IQSEC3: variants seen among roughly 807,000 people sequenced by gnomAD.
IQSEC3 encodes the protein IQ motif and SEC7 domain-containing protein 3.
In IQSEC3, 50 loss-of-function variants were observed where a neutral mutation model predicts 105.4. The observed-to-expected ratio is 0.47, with a 90% CI of 0.38 to 0.60. The LOEUF (loss-of-function observed/expected upper bound fraction) is 0.60. Among genes scored for constraint, IQSEC3 ranks in the 20% least tolerant of loss-of-function variants. IQSEC3 has a pLI of 0.00. For synonymous variants in IQSEC3, 708 were observed against 746.0 expected, an observed-to-expected ratio of 0.95 and a Z score of 0.83; for missense variants, 1,415 against 1,630.0, an observed-to-expected ratio of 0.87 and a Z score of 2.27.
rs560084629 is a variant in IQSEC3 at position 154,645 on chromosome 12, T to A, written c.2154-2380T>A. On this transcript the variant is annotated intron_variant, in intron 5 of 13. Transcript: ENST00000538872. ...GGCTGAGAGGGTGGCATCTGGCCGC[T>A]CCATGCCGCCCCCACCACAGTCCGC... Among the ~76,000 whole-genome samples, 5 of 152,190 alleles carry A rather than the reference T, an allele frequency of 3.3e-5. No homozygotes were observed. In the South Asian group the frequency reaches 1.0e-3, roughly 32 times the overall value.
chr12:153,362 G>A (rs762373764), intron 5 of IQSEC3, among the ~76,000 whole-genome samples: 2 of 152,092 alleles, frequency 1.3e-5, no homozygotes, highest in Admixed American at 6.5e-5. Flanking sequence ...GTGCTGCTGC[G>A]GGTCGTCTGC....
At position 70,767 on chromosome 12, in the gene IQSEC3, A is replaced by G. The variant is rs1555067308; in HGVS notation, c.554+3331A>G. Among the ~76,000 whole-genome samples, 3 of 152,402 alleles carry G rather than the reference A, an allele frequency of 2.0e-5. No homozygotes were observed. The East Asian group carries it at 5.8e-4, about 29-fold the overall frequency. On this transcript the variant is annotated intron_variant, in intron 1 of 13. Coordinates refer to ENST00000538872, the MANE Select transcript of IQSEC3 (RefSeq NM_001170738.2). ...ATGACAGGGCTTGTCCATGTCTCCA[A>G]GGCCACAGGCAGATGATTGCTGGAG...
Position 168,937 on chromosome 12 carries a change from G to GT in IQSEC3, c.2972-76_2972-75insT, listed in dbSNP as rs1486762689. On this transcript the variant is annotated intron_variant, in intron 11 of 13. Transcript: ENST00000538872. ...CCTCCTCTTCCTCCCCTTTCTGCTG[G>GT]CCCCTCATTTCCTGCCTCGCCTCTG... The GT allele has an allele frequency of 3.7e-5, 45 of 1,212,320 alleles. No individual in the cohort carries two copies. The African/African-American group carries it at 6.0e-4, about 16-fold the overall frequency. 75.1% of individuals were successfully genotyped at this position (1,212,320 alleles called of 1,614,324 possible). A position where few individuals can be genotyped will look rare whatever the true frequency, so the allele number is the denominator to read the frequency against.
chr12:76,356 G>T (rs1483338157), intron 1 of IQSEC3, among the ~76,000 whole-genome samples: 1 of 152,260 alleles, frequency 6.6e-6, no homozygotes, highest in South Asian at 2.1e-4. Context: ...TGGTGCGCAG[G>T]CGTTTGTGGA....
intron 1 of IQSEC3, among the ~76,000 whole-genome samples, chr12:82,125 A>G (rs564970205): frequency 6.6e-6 from 1 of 152,338 alleles, no homozygotes; most frequent in African/African-American, 2.4e-5. Context: ...GGAACTAGAC[A>G]TTTTTAAGAC....
rs1865880907 is a variant in IQSEC3, at chr12:138,737, CG to C, written c.1375del (p.Ala459ArgfsTer24). On this transcript the variant is annotated frameshift_variant, in exon 4 of 14. Coordinates refer to ENST00000538872, the MANE Select transcript of IQSEC3 (RefSeq NM_001170738.2). LOFTEE classifies it high-confidence loss of function. This position sits in a 1 kb window ranked among gnomAD's most constrained non-coding sequence, Gnocchi z 7.1. Reference sequence around the variant, plus strand: ...AGGCCGAGGGGCGGGCGCCGGAGAGCGCGGGCCCCGGGCCCGGGGATGACGC... The same window carrying C: ...AGGCCGAGGGGCGGGCGCCGGAGAGCCGGGCCCCGGGCCCGGGGATGACGC... ...LEAEGRAPES[A>X]GPGPGDDAAE... The C allele has an allele frequency of 6.6e-7, 1 of 1,510,976 alleles. No individual in the cohort carries two copies. The allele number at this position is 1,510,976 out of a possible 1,614,324, so 93.6% of individuals were successfully genotyped here.
At chr12:88,988 A>G (rs1388417461) in intron 1 of IQSEC3, among the ~76,000 whole-genome samples, 2 of 152,162 alleles carry the variant, frequency 1.3e-5, no homozygotes, top group African/African-American at 4.8e-5. Context: ...TTGAATATGA[A>G]TCCCCCACAG....
At position 138,737 on chromosome 12, in the gene IQSEC3, C is replaced by T; in HGVS notation, c.1374C>T (p.Ser458=). ...AGGCCGAGGGGCGGGCGCCGGAGAG[C>T]GCGGGCCCCGGGCCCGGGGATGACG... ...GLEAEGRAPE[S]AGPGPGDDAA... Residue 458 remains serine (S), a synonymous_variant, in exon 4 of 14, where the codon AGC becomes AGT. Transcript: ENST00000538872. This position sits in a 1 kb window ranked among gnomAD's most constrained non-coding sequence, Gnocchi z 7.1. 2 of 1,511,084 alleles carry T rather than the reference C, an allele frequency of 1.3e-6. No individual in the cohort carries two copies. The highest frequency in any genetic ancestry group is 1.8e-6 in the Non-Finnish European group (2 of 1,134,854). The allele number at this position is 1,511,084 out of a possible 1,614,324, so 93.6% of individuals were successfully genotyped here.
At chr12:150,213 G>C (rs1479831956) in intron 5 of IQSEC3, among the ~76,000 whole-genome samples, 1 of 152,198 alleles carries the variant, frequency 6.6e-6, no homozygotes, top group Non-Finnish European at 1.5e-5. Context: ...TCTCCGAGCT[G>C]ATGAGAATTC....
At chr12:141,671 C>G (rs1188374026) in intron 5 of IQSEC3, 2 of 216,488 alleles carry the variant, frequency 9.2e-6, no homozygotes, top group Non-Finnish European at 1.8e-5. Context: ...CCCCCAGGAC[C>G]CTCCCATTCT....
intron 10 of IQSEC3, 33 bp downstream of exon 10, chr12:165,566 G>C (rs781836350): frequency 2.0e-5 from 31 of 1,549,098 alleles, no homozygotes; most frequent in Non-Finnish European, 2.6e-5. Context: ...AAGTCTTTGA[G>C]AAGGAATGAA....
chr12:147,954 C>T (rs1487166317), intron 5 of IQSEC3: 1 of 152,148 alleles, frequency 6.6e-6, no homozygotes, highest in African/African-American at 2.4e-5. Context: ...GGGAGGGGTC[C>T]TGTCCACTGA....
At chr12:126,146 C>G (rs375972232) in intron 3 of IQSEC3, among the ~76,000 whole-genome samples, 1 of 152,240 alleles carries the variant, frequency 6.6e-6, no homozygotes, top group Admixed American at 6.5e-5. Flanking sequence ...TTGGGCAGCA[C>G]GTCCAGGGGC....
intron 5 of IQSEC3, among the ~76,000 whole-genome samples, chr12:154,776 GTC>G (rs1169038440): frequency 6.6e-6 from 1 of 152,012 alleles, no homozygotes; most frequent in African/African-American, 2.4e-5. Context: ...CTTCCTCCCT[GTC>G]TCTGTTTTTT....
rs141330507 is a variant in IQSEC3 at position 105,568 on chromosome 12, C to A, written c.623+6354C>A. ...CCGACGTGGAGCTACAGGAATCTGC[C>A]CTAGGGAACTGTGTGACCTGTCACT... On this transcript the variant is annotated intron_variant, in intron 2 of 13. Transcript: ENST00000538872. Among the ~76,000 whole-genome samples the A allele has an allele frequency of 7.2e-3, 1,092 of 152,306 alleles. 5 individuals carry two copies. Among genetic ancestry groups the A allele is most frequent in the East Asian group, 0.03 (157 of 5,182 alleles).
chr12:141,435 G>A (rs145754591), intron 5 of IQSEC3, 150 bp downstream of exon 5: 612 of 803,056 alleles, frequency 7.6e-4, no homozygotes, highest in Middle Eastern at 1.1e-3. Flanking sequence ...CCCCTCTTTA[G>A]CCCATCACCC....
Position 139,129 on chromosome 12 carries a change from C to A in IQSEC3, c.1766C>A (p.Ala589Asp). The change falls in exon 4 of 14, where the codon GCC becomes GAC. Residue 589 changes from alanine to aspartate, a missense_variant. Transcript: ENST00000538872. ...ETAEVGRGAE[A>D]EAGDLEQLSS... ...GCGGAGGTGGGGAGAGGGGCCGAGGCCGAGGCAGGCGACTTGGAGCAGCTG... is the reference window on the plus strand; with the variant it reads ...GCGGAGGTGGGGAGAGGGGCCGAGGACGAGGCAGGCGACTTGGAGCAGCTG... 1 of 1,519,338 alleles carries A rather than the reference C, an allele frequency of 6.6e-7. No homozygotes were observed. The allele number at this position is 1,519,338 out of a possible 1,614,324, so 94.1% of individuals were successfully genotyped here.
chr12:144,371 C>T lies in IQSEC3; in HGVS notation c.2153+3086C>T, dbSNP rs145358032. Reference sequence around the variant, plus strand: ...CTTCACTGGGATTCTATACGGCTCCCCTGCCCCCGCCTGGTGACATTCAGC... The same window carrying T: ...CTTCACTGGGATTCTATACGGCTCCTCTGCCCCCGCCTGGTGACATTCAGC... On this transcript the variant is annotated intron_variant, in intron 5 of 13. Coordinates refer to ENST00000538872, the MANE Select transcript of IQSEC3 (RefSeq NM_001170738.2). 1,142 of 152,280 alleles carry T rather than the reference C, an allele frequency of 7.5e-3. 7 individuals are homozygous for T. Among genetic ancestry groups the T allele is most frequent in the Non-Finnish European group, 0.011 (770 of 68,010 alleles). The allele number at this position is 152,280 out of a possible 1,614,324, so 9.4% of individuals were successfully genotyped here. A position where few individuals can be genotyped will look rare whatever the true frequency, so the allele number is the denominator to read the frequency against.
chr12:177,605 G>A lies in IQSEC3; in HGVS notation c.*2572G>A, dbSNP rs116924265. The A allele has an allele frequency of 0.036, 5,552 of 152,388 alleles. 147 individuals are homozygous for A. The highest frequency in any genetic ancestry group is 0.051 in the Non-Finnish European group (3,490 of 68,134). The allele number at this position is 152,388 out of a possible 1,614,324, so 9.4% of individuals were successfully genotyped here. A position where few individuals can be genotyped will look rare whatever the true frequency, so the allele number is the denominator to read the frequency against. On this transcript the variant is annotated 3_prime_UTR_variant, in exon 14 of 14. Coordinates refer to ENST00000538872, the MANE Select transcript of IQSEC3 (RefSeq NM_001170738.2). This position sits in a 1 kb window ranked among gnomAD's most constrained non-coding sequence, Gnocchi z 5.3. ...CAGTATTCCGTGGAGCCAGTCCTGA[G>A]CTGGGAGGGGCATTTAACACCCCTG...
Sources: allele counts gnomAD v4.1 joint callset (sites outside exome capture counted in the v4.1 genomes callset), GRCh38; gene constraint gnomAD v4.1.1; non-coding constraint Gnocchi (gnomAD v3.1); transcripts MANE v1.5; gene names NCBI Gene and HGNC (gene_info 2026-07-23, HGNC 2026-07-21).